The following SYNE2 variants were observed in gnomAD, a reference collection of about 807,000 sequenced individuals.
The protein encoded by SYNE2 is spectrin repeat containing nuclear envelope protein 2.
In SYNE2, 431 loss-of-function variants were observed where a neutral mutation model predicts 856.3. The observed-to-expected ratio is 0.50, with a 90% CI of 0.47 to 0.55. SYNE2 has a LOEUF of 0.55. Ranked by LOEUF, SYNE2 falls within the 20% of genes least tolerant of loss-of-function variation. The pLI is 0.00. For synonymous variants in SYNE2, 2,923 were observed against 2,872.3 expected (o/e 1.02, Z -0.56); for missense variants, 8,129 against 8,023.2 (o/e 1.01, Z -0.50).
chr14:63,833,320 A>T (rs902061317), intron 1 of SYNE2, among the ~76,000 whole-genome samples: 1 of 152,226 alleles, frequency 6.6e-6, no homozygotes, highest in Non-Finnish European at 1.5e-5. Flanking sequence ...ATGTTCTGCC[A>T]TACCAAATAT....
chr14:64,120,185 T>C (rs955975581), intron 67 of SYNE2, among the ~76,000 whole-genome samples: 5 of 152,220 alleles, frequency 3.3e-5, no homozygotes, highest in African/African-American at 1.2e-4. Context: ...TAGAGATTTA[T>C]GTTCACAGAA....
chr14:63,889,597 C>G (rs766934180), intron 1 of SYNE2, among the ~76,000 whole-genome samples: 5 of 151,820 alleles, frequency 3.3e-5, no homozygotes, highest in Non-Finnish European at 5.9e-5. Flanking sequence ...TTTTTTCAGC[C>G]TCTTGAGCAG....
In SYNE2 at chr14:64,148,231, T is replaced by C. The variant is rs192831561; in HGVS notation, c.15639+2008T>C. On this transcript the variant is annotated intron_variant, in intron 84 of 115. Coordinates refer to ENST00000555002, the MANE Select transcript of SYNE2 (RefSeq NM_182914.3). ...TCAAGAGGCTAAGGGAAGAATATCC[T>C]TTGAGCCCAGGAATTCAAGGTGACA... is the stretch of plus-strand genomic sequence containing the variant. Among the ~76,000 whole-genome samples the C allele has an allele frequency of 9.2e-4, 140 of 152,262 alleles. 1 individual carries two copies. The highest frequency in any genetic ancestry group is 1.7e-3 in the Non-Finnish European group (114 of 68,022).
At chr14:64,183,808 C>A (rs532522047) in intron 96 of SYNE2, among the ~76,000 whole-genome samples, 4 of 152,090 alleles carry the variant, frequency 2.6e-5, no homozygotes, top group East Asian at 1.9e-4. Context: ...CCCAGGCACT[C>A]GGCAGGCTGA....
chr14:63,803,785 C>T (rs1050679466), intron 1 of SYNE2, among the ~76,000 whole-genome samples: 3 of 152,184 alleles, frequency 2.0e-5, no homozygotes, highest in East Asian at 1.9e-4. Context: ...GTGCCGAGAG[C>T]GAGCGAGGAC....
At chr14:64,156,254 T>G (rs532105587) in intron 85 of SYNE2, among the ~76,000 whole-genome samples, 1 of 152,250 alleles carries the variant, frequency 6.6e-6, no homozygotes, top group South Asian at 2.1e-4. Flanking sequence ...TCCACCACCT[T>G]TATCTGTGGA....
At position 64,216,353 on chromosome 14, in the gene SYNE2, C is replaced by G; in HGVS notation, c.19508C>G (p.Pro6503Arg). 1 of 1,614,228 alleles carries G rather than the reference C, an allele frequency of 6.2e-7. No homozygotes were observed. Among genetic ancestry groups the G allele is most frequent in the East Asian group, 2.2e-5 (1 of 44,890 alleles). The change falls in exon 108 of 116, where the codon CCC (proline) becomes CGC (arginine). Residue 6503 changes from proline (P) to arginine (R), a missense_variant. By Grantham distance (103) the Pro-to-Arg change is moderately radical. Transcript: ENST00000555002. The stretch of plus-strand genomic sequence containing the variant: ...GGTGACAGGAATGTTCCACCTGTTC[C>G]CCCTGCGTCCAGCACCCCTTATAAA... ...MEGDRNVPPV[P>R]PASSTPYKPP...
At chr14:64,000,537 A>C in intron 27 of SYNE2, 25 bp from the exon 28 acceptor site, 1 of 1,605,342 alleles carries the variant, frequency 6.2e-7, no homozygotes, top group Non-Finnish European at 8.5e-7. Flanking sequence ...ATTAGTTGAT[A>C]AATTAATTTA....
intron 83 of SYNE2, among the ~76,000 whole-genome samples, chr14:64,145,526 A>T (rs1270166504): frequency 6.7e-6 from 1 of 148,380 alleles, no homozygotes; most frequent in African/African-American, 2.6e-5. Flanking sequence ...AAAAAAAAAA[A>T]TTATGTCATG....
intron 1 of SYNE2, among the ~76,000 whole-genome samples, chr14:63,839,984 T>C (rs1953445256): frequency 6.6e-6 from 1 of 152,154 alleles, no homozygotes; most frequent in Non-Finnish European, 1.5e-5. Flanking sequence ...TATAGACTTT[T>C]GGGGCCGGGC....
At chr14:64,019,330 T>G (rs1567068059) in intron 34 of SYNE2, among the ~76,000 whole-genome samples, 1 of 152,078 alleles carries the variant, frequency 6.6e-6, no homozygotes, top group African/African-American at 2.4e-5. Context: ...CTGTTGCCAG[T>G]TATATGTGGT....
intron 88 of SYNE2, 57 bp downstream of exon 88, chr14:64,162,333 AG>A: frequency 6.4e-7 from 1 of 1,558,512 alleles, no homozygotes; most frequent in South Asian, 1.1e-5. Context: ...AGATGGGGTA[AG>A]GGACAGCCAT....
rs753556341 is a variant in SYNE2, at chr14:63,941,887, T to C, written c.240T>C (p.Pro80=). 1 of 1,613,432 alleles carries C rather than the reference T, an allele frequency of 6.2e-7. No individual in the cohort carries two copies. Among genetic ancestry groups the C allele is most frequent in the East Asian group, 2.2e-5 (1 of 44,844 alleles). ...LLEVLSGQQL[P]RDKGSNTFQC... is the part of the protein sequence containing the mutation. ...ATATATTTGCTTGAATTTCACAGCC[T>C]CGGGATAAAGGATCTAATACCTTCC... Residue 80 remains proline, a splice_region_variant and synonymous_variant, in exon 5 of 116, where the codon CCT becomes CCC. Coordinates refer to ENST00000555002, the MANE Select transcript of SYNE2 (RefSeq NM_182914.3).
intron 1 of SYNE2, chr14:63,873,916 C>T (rs2094650155): frequency 6.6e-6 from 1 of 152,206 alleles, no homozygotes; most frequent in African/African-American, 2.4e-5. Context: ...GGTTTTCCCT[C>T]CCTTTTTCCT....
At position 64,026,029 on chromosome 14, in the gene SYNE2, G is replaced by A. The variant is rs188859115; in HGVS notation, c.6253-550G>A. Reference sequence around the variant, plus strand: ...TAGGAGAACTGAAATCACATTCATTGAAGCATTCTTAGAGGAAGAAATGGC... The same window carrying A: ...TAGGAGAACTGAAATCACATTCATTAAAGCATTCTTAGAGGAAGAAATGGC... On this transcript the variant is annotated intron_variant, in intron 41 of 115. Coordinates refer to ENST00000555002, the MANE Select transcript of SYNE2 (RefSeq NM_182914.3). Among the ~76,000 whole-genome samples the A allele has an allele frequency of 3.3e-5, 5 of 152,264 alleles. No individual in the cohort carries two copies. In the East Asian group the frequency reaches 9.6e-4, roughly 29 times the overall value.
intron 1 of SYNE2, among the ~76,000 whole-genome samples, chr14:63,867,160 G>A (rs1032444415): frequency 3.9e-5 from 6 of 152,074 alleles, no homozygotes; most frequent in African/African-American, 1.4e-4. Context: ...AGTCTGTTGG[G>A]CTCCAAAGCC....
chr14:63,824,709 G>GTGAT (rs1462908491), intron 1 of SYNE2, among the ~76,000 whole-genome samples: 1 of 151,838 alleles, frequency 6.6e-6, no homozygotes, highest in African/African-American at 2.4e-5. Context: ...AGGGCTGGAG[G>GTGAT]TGATGCATAC....
intron 24 of SYNE2, 24 bp downstream of exon 24, chr14:63,997,182 AC>A: frequency 6.2e-7 from 1 of 1,606,502 alleles, no homozygotes; most frequent in South Asian, 1.1e-5. Context: ...AAGAATAGCT[AC>A]CCTTCAGGAT....
intron 71 of SYNE2, 52 bp downstream of exon 71, chr14:64,125,262 A>G (rs1208784704): frequency 1.1e-5 from 17 of 1,610,184 alleles, no homozygotes; most frequent in Non-Finnish European, 1.4e-5. Context: ...TAAACAAAGG[A>G]GATATCATCA....
Sources: allele counts gnomAD v4.1 joint callset (sites outside exome capture counted in the v4.1 genomes callset), GRCh38; gene constraint gnomAD v4.1.1; transcripts MANE v1.5; gene names NCBI Gene and HGNC (gene_info 2026-07-23, HGNC 2026-07-21).